ASIC2: variants seen among roughly 807,000 people sequenced by gnomAD.
ASIC2 encodes acid-sensing ion channel 2.
Under a neutral mutation model 57.3 loss-of-function variants are expected in ASIC2, and 25 were observed. The ratio of observed to expected loss-of-function variants is 0.44; its 90% CI spans 0.32 to 0.61. The LOEUF is 0.61. Among genes scored for constraint, ASIC2 ranks in the 20% least tolerant of loss-of-function variants. The pLI, the probability that ASIC2 is intolerant of heterozygous loss-of-function variation, is 0.06. For missense variants in ASIC2, 641 were observed against 738.1 expected, an observed-to-expected ratio of 0.87 and a Z score of 1.52; for synonymous variants, 319 against 307.5, an observed-to-expected ratio of 1.04 and a Z score of -0.39.
At chr17:33,488,414 A>G (rs1913645523) in intron 1 of ASIC2, among the ~76,000 whole-genome samples, 1 of 152,234 alleles carries the variant, frequency 6.6e-6, no homozygotes, top group South Asian at 2.1e-4. Context: ...CTTTATTATT[A>G]GCATTCACAT....
intron 1 of ASIC2, among the ~76,000 whole-genome samples, chr17:33,515,683 C>A (rs528984916): frequency 1.3e-5 from 2 of 152,364 alleles, no homozygotes; most frequent in South Asian, 2.1e-4. Flanking sequence ...CTACTGGATC[C>A]TTAGCTGCAA....
At chr17:33,987,635 C>A (rs545996365) in intron 1 of ASIC2, among the ~76,000 whole-genome samples, 242 of 151,968 alleles carry the variant, frequency 1.6e-3, no homozygotes, top group African/African-American at 5.8e-3. Context: ...TCATTTAACC[C>A]ATTAGCCAAC....
intron 1 of ASIC2, among the ~76,000 whole-genome samples, chr17:33,850,389 T>A (rs924190087): frequency 1.3e-5 from 2 of 152,206 alleles, no homozygotes; most frequent in African/African-American, 4.8e-5. Flanking sequence ...TTCCCCAACA[T>A]TCAGAAAGAC....
chr17:33,684,771 G>A (rs1908127742), intron 1 of ASIC2, among the ~76,000 whole-genome samples: 3 of 151,458 alleles, frequency 2.0e-5, no homozygotes, highest in Admixed American at 1.3e-4. Context: ...TCATATCCAC[G>A]TCTTTTTTTT....
chr17:33,291,146 C>T (rs731601), intron 1 of ASIC2: 161,931 of 627,864 alleles, frequency 0.26, 22,151 homozygotes, highest in East Asian at 0.33. Flanking sequence ...AGAATGAGGG[C>T]TTTGGGGGCT....
chr17:34,100,057 T>G (rs758381682), intron 1 of ASIC2, among the ~76,000 whole-genome samples: 14 of 152,126 alleles, frequency 9.2e-5, no homozygotes, highest in Non-Finnish European at 1.8e-4. Context: ...GGCCACATTC[T>G]CTCACCCCAG....
intron 1 of ASIC2, among the ~76,000 whole-genome samples, chr17:33,882,600 G>A (rs575917962): frequency 7.9e-5 from 12 of 152,310 alleles, no homozygotes; most frequent in Admixed American, 6.5e-5. Flanking sequence ...TCATTAAAAA[G>A]TCAGGAAACA....
At chr17:33,436,165 A>G (rs1911600244) in intron 1 of ASIC2, among the ~76,000 whole-genome samples, 1 of 152,216 alleles carries the variant, frequency 6.6e-6, no homozygotes, top group Non-Finnish European at 1.5e-5. Context: ...TTATAGTTTA[A>G]CCTTGAAGCA....
chr17:34,061,231 G>C (rs1336938973), intron 1 of ASIC2, among the ~76,000 whole-genome samples: 1 of 151,448 alleles, frequency 6.6e-6, no homozygotes, highest in Admixed American at 6.6e-5. Flanking sequence ...GCCAAGAATT[G>C]TGTACCCAGT....
chr17:33,308,982 C>CT (rs1283870822), intron 1 of ASIC2, among the ~76,000 whole-genome samples: 3 of 152,196 alleles, frequency 2.0e-5, no homozygotes, highest in African/African-American at 7.2e-5. Context: ...GAACAGATTT[C>CT]TCTGATTCCA....
chr17:34,043,187 T>G (rs937405188), intron 1 of ASIC2, among the ~76,000 whole-genome samples: 1 of 152,222 alleles, frequency 6.6e-6, no homozygotes, highest in African/African-American at 2.4e-5. Flanking sequence ...ATGCTGGTGA[T>G]GCGGTATTCC....
At chr17:33,075,354 C>T (rs1233935780) in intron 3 of ASIC2, among the ~76,000 whole-genome samples, 2 of 152,180 alleles carry the variant, frequency 1.3e-5, no homozygotes, top group African/African-American at 4.8e-5. Flanking sequence ...AAAGTACCCA[C>T]TCTCGGGTAT....
In ASIC2 at chr17:33,382,026, C is replaced by G. The variant is rs1909506916; in HGVS notation, c.556-269959G>C. On this transcript the variant is annotated intron_variant, in intron 1 of 9. Coordinates refer to the ASIC2 transcript ENST00000359872. Reference sequence around the variant, plus strand: ...GCCCCTCAGTTCTTTGTTGTAGGACCCCATGTTAGTCCCACGTTGGATCTC... The same window carrying G: ...GCCCCTCAGTTCTTTGTTGTAGGACGCCATGTTAGTCCCACGTTGGATCTC... 2.0e-5 allele frequency among the ~76,000 whole-genome samples: 3 copies of G among 152,146 alleles called. No homozygotes were observed. In the South Asian group the frequency reaches 6.2e-4, roughly 32 times the overall value.
intron 1 of ASIC2, among the ~76,000 whole-genome samples, chr17:34,138,414 G>A (rs1393057250): frequency 6.6e-6 from 1 of 152,014 alleles, no homozygotes; most frequent in Non-Finnish European, 1.5e-5. Context: ...TCCCACTGAG[G>A]AGGGTCTGCT....
chr17:33,094,759 C>G (rs56175840), intron 2 of ASIC2, among the ~76,000 whole-genome samples: 1 of 152,144 alleles, frequency 6.6e-6, no homozygotes, highest in East Asian at 1.9e-4. Flanking sequence ...GTCCCCTAGT[C>G]CTAGCTCCGC....
At chr17:34,031,818 A>C (rs1387974565) in intron 1 of ASIC2, among the ~76,000 whole-genome samples, 1 of 152,224 alleles carries the variant, frequency 6.6e-6, no homozygotes, top group Non-Finnish European at 1.5e-5. Flanking sequence ...GAGAAAAAAG[A>C]ATAAAAAGAA....
At chr17:33,919,368 C>G (rs867689664) in intron 1 of ASIC2, among the ~76,000 whole-genome samples, 2 of 152,310 alleles carry the variant, frequency 1.3e-5, no homozygotes, top group Middle Eastern at 3.4e-3. Context: ...AGCCATGCAT[C>G]TACAATCATC....
chr17:34,018,554 G>A (rs1023718721), intron 1 of ASIC2, among the ~76,000 whole-genome samples: 1 of 152,148 alleles, frequency 6.6e-6, no homozygotes, highest in African/African-American at 2.4e-5. Flanking sequence ...ATGAATTTGG[G>A]CAAAGTAAAT....
At chr17:33,064,433 C>A (rs2092034412) in intron 3 of ASIC2, among the ~76,000 whole-genome samples, 1 of 152,164 alleles carries the variant, frequency 6.6e-6, no homozygotes, top group Non-Finnish European at 1.5e-5. Context: ...CACTCCAGAC[C>A]CTGTTTGCCT....
Sources: allele counts gnomAD v4.1 joint callset (sites outside exome capture counted in the v4.1 genomes callset), GRCh38; gene constraint gnomAD v4.1.1; transcripts MANE v1.5; gene names NCBI Gene and HGNC (gene_info 2026-07-23, HGNC 2026-07-21).